The following ADAM12 variants were observed in gnomAD, a reference collection of about 807,000 sequenced individuals.
ADAM12 encodes the protein ADAM metallopeptidase domain 12, also known as disintegrin and metalloproteinase domain-containing protein 12.
A neutral mutation model predicts 106.4 loss-of-function variants in ADAM12; 70 were observed. The ratio of observed to expected loss-of-function variants is 0.66; its 90% confidence interval spans 0.54 to 0.80. The LOEUF (loss-of-function observed/expected upper bound fraction) is 0.80, where lower values mean the gene tolerates loss of function less well. Ranked by LOEUF, ADAM12 falls within the 30% of genes least tolerant of loss-of-function variation. The pLI, the probability that ADAM12 is intolerant of heterozygous loss-of-function variation, is 0.00. For missense variants in ADAM12, 1,010 were observed against 1,171.9 expected, an observed-to-expected ratio of 0.86 and a Z score of 2.02; for synonymous variants, 420 against 433.5, an observed-to-expected ratio of 0.97 and a Z score of 0.39.
In ADAM12 at chr10:126,178,408, C is replaced by CTTT. The variant is rs10549268; in HGVS notation, c.261-23106_261-23104dup. On this transcript the variant is annotated intron_variant, in intron 3 of 22. Transcript: ENST00000448723. ...TACCTTAGTCCTCATTGGAGGACAT[C>CTTT]TTTTTTTTTTTTTTTTTTTTTTTTG... 3.3e-3 allele frequency among the ~76,000 whole-genome samples: 347 copies of CTTT among 103,766 alleles called. 1 individual carries two copies. Among genetic ancestry groups the CTTT allele is most frequent in the Non-Finnish European group, 3.9e-3 (190 of 48,950 alleles). The allele number at this position is 103,766 out of a possible 152,430, so 68.1% of individuals were successfully genotyped here.
chr10:126,028,690 A>G (rs1254828477), intron 21 of ADAM12, among the ~76,000 whole-genome samples: 2 of 152,192 alleles, frequency 1.3e-5, no homozygotes, highest in Admixed American at 1.3e-4. Flanking sequence ...AAAACCCAAA[A>G]CTATAAAAAC....
At chr10:126,147,140 C>T (rs766979827) in intron 4 of ADAM12, among the ~76,000 whole-genome samples, 9 of 152,350 alleles carry the variant, frequency 5.9e-5, no homozygotes, top group Middle Eastern at 3.4e-3. Flanking sequence ...CTCAGCTGGT[C>T]TCCTTTGAAA....
At chr10:126,197,780 T>C (rs570530200) in intron 3 of ADAM12, among the ~76,000 whole-genome samples, 1 of 152,126 alleles carries the variant, frequency 6.6e-6, no homozygotes, top group African/African-American at 2.4e-5. Flanking sequence ...TAGGTGGCCA[T>C]GTGACAGAGA....
chr10:126,049,130 G>T lies in ADAM12; in HGVS notation c.1917+123C>A. On this transcript the variant is annotated intron_variant, in intron 16 of 22. Coordinates refer to ENST00000448723, the MANE Select transcript of ADAM12 (RefSeq NM_001288973.2). This position sits in a 1 kb window ranked among gnomAD's most constrained non-coding sequence, Gnocchi z 4.4. ...TAGGATTTATTGACTTTTTCTTCTA[G>T]GTGCATCTGAGAAGAAGTAGATTTA... 8.1e-7 allele frequency: 1 copy of T among 1,232,208 alleles called. No homozygotes were observed. Among genetic ancestry groups the T allele is most frequent in the Non-Finnish European group, 1.2e-6 (1 of 867,114 alleles). 76.3% of individuals were successfully genotyped at this position (1,232,208 alleles called of 1,614,324 possible).
rs549294963 is a variant in ADAM12 at position 126,159,201 on chromosome 10, T to C, written c.261-3896A>G. Among the ~76,000 whole-genome samples, 21 of 149,486 alleles carry C rather than the reference T, an allele frequency of 1.4e-4. No individual in the cohort carries two copies. The South Asian group carries it at 4.2e-3, about 30-fold the overall frequency. On this transcript the variant is annotated intron_variant, in intron 3 of 22. Coordinates refer to ENST00000448723, the MANE Select transcript of ADAM12 (RefSeq NM_001288973.2). Reference sequence around the variant, plus strand: ...GGTGGGTGCCTGTGGTCCCAACTACTCAGGAGGCTGAGGCAGGAGAATGGC... The same window carrying C: ...GGTGGGTGCCTGTGGTCCCAACTACCCAGGAGGCTGAGGCAGGAGAATGGC...
At chr10:126,317,311 C>A (rs11244954) in intron 2 of ADAM12, among the ~76,000 whole-genome samples, 34,120 of 152,122 alleles carry the variant, frequency 0.22, 4,223 homozygotes, top group East Asian at 0.32. Context: ...AACCCTGGAT[C>A]TCAGTAGCTC....
In ADAM12 at chr10:126,085,066, C is replaced by T. The variant is rs114638168; in HGVS notation, c.1145+8919G>A. ...TTTGATATTTTTGATCTCTCTCTTC[C>T]CACTTTAGCTAAATTAAGCAAAGAC... On this transcript the variant is annotated intron_variant, in intron 11 of 22. Transcript: ENST00000448723. Among the ~76,000 whole-genome samples, 1,145 of 152,316 alleles carry T rather than the reference C, an allele frequency of 7.5e-3. 10 individuals carry two copies. Among genetic ancestry groups the T allele is most frequent in the African/African-American group, 0.026 (1,088 of 41,558 alleles).
intron 1 of ADAM12, among the ~76,000 whole-genome samples, chr10:126,349,063 C>T (rs759138746): frequency 2.6e-5 from 4 of 152,162 alleles, no homozygotes; most frequent in Non-Finnish European, 4.4e-5. Flanking sequence ...CATGAGAATG[C>T]TTTACATTTA....
In ADAM12 at chr10:126,282,288, C is replaced by G. The variant is rs185224898; in HGVS notation, c.187-3300G>C. Among the ~76,000 whole-genome samples the G allele has an allele frequency of 6.8e-4, 103 of 152,168 alleles. 1 individual carries two copies. Among genetic ancestry groups the G allele is most frequent in the African/African-American group, 2.4e-3 (98 of 41,526 alleles). ...TCACCTTAATTGCCTTTTTAAAGGGCCTTTCTCCAAATACAGTCACATTCT... is the reference window on the plus strand; with the variant it reads ...TCACCTTAATTGCCTTTTTAAAGGGGCTTTCTCCAAATACAGTCACATTCT... On this transcript the variant is annotated intron_variant, in intron 2 of 22. Coordinates refer to ENST00000448723, the MANE Select transcript of ADAM12 (RefSeq NM_001288973.2).
intron 3 of ADAM12, among the ~76,000 whole-genome samples, chr10:126,170,167 A>G (rs1590551157): frequency 1.3e-5 from 2 of 152,290 alleles, no homozygotes; most frequent in East Asian, 3.9e-4. Context: ...GAGCTCTCTT[A>G]AAAATTGACC....
At chr10:126,105,070 G>A (rs554259651) in intron 8 of ADAM12, among the ~76,000 whole-genome samples, 1 of 152,130 alleles carries the variant, frequency 6.6e-6, no homozygotes, top group Non-Finnish European at 1.5e-5. Flanking sequence ...GGGATGTCAG[G>A]GCCAGGGGTA....
chr10:126,137,558 C>T (rs1956428523), intron 4 of ADAM12, among the ~76,000 whole-genome samples: 3 of 152,198 alleles, frequency 2.0e-5, no homozygotes, highest in South Asian at 4.1e-4. Context: ...CCTGCTCCTC[C>T]ATCTCTGGCA....
intron 12 of ADAM12, among the ~76,000 whole-genome samples, chr10:126,068,995 C>T (rs560269453): frequency 2.0e-5 from 3 of 152,120 alleles, no homozygotes; most frequent in South Asian, 2.1e-4. Flanking sequence ...AGTTGTTTTT[C>T]GGATCCCATT....
intron 1 of ADAM12, among the ~76,000 whole-genome samples, chr10:126,387,223 A>G (rs1856695064): frequency 6.6e-6 from 1 of 152,246 alleles, no homozygotes; most frequent in Admixed American, 6.5e-5. Context: ...AAGTTGCCGG[A>G]TTTTTAAAAA....
chr10:126,054,126 C>T (rs1954574513), intron 14 of ADAM12, among the ~76,000 whole-genome samples: 1 of 152,184 alleles, frequency 6.6e-6, no homozygotes, highest in Admixed American at 6.5e-5. Flanking sequence ...TTCAAGTACC[C>T]ACTCTTCCAA....
chr10:126,357,832 A>G lies in ADAM12; in HGVS notation c.89-27323T>C, dbSNP rs924283097. Among the ~76,000 whole-genome samples the G allele has an allele frequency of 3.3e-5, 5 of 152,134 alleles. No homozygotes were observed. In the South Asian group the frequency reaches 1.0e-3, roughly 31 times the overall value. ...CAGGTCCCTCCCATGACACATGGAG[A>G]TTATGGGAACTACATTTCATGATGA... On this transcript the variant is annotated intron_variant, in intron 1 of 22. Coordinates refer to ENST00000448723, the MANE Select transcript of ADAM12 (RefSeq NM_001288973.2).
chr10:126,287,992 C>T (rs540118399), intron 2 of ADAM12, among the ~76,000 whole-genome samples: 13 of 151,542 alleles, frequency 8.6e-5, no homozygotes, highest in South Asian at 8.4e-4. Flanking sequence ...CAGGAGGAGT[C>T]GGGGATGCAG....
chr10:126,036,236 CTGAGT>C lies in ADAM12; in HGVS notation c.2434_2438del (p.Thr812AlafsTer14). 6.4e-7 allele frequency: 1 copy of C among 1,551,524 alleles called. No individual in the cohort carries two copies. Among genetic ancestry groups the C allele is most frequent in the Non-Finnish European group, 8.7e-7 (1 of 1,154,682 alleles). ...CCCGGTGGAGGGGAGGAAGCACTCG[CTGAGT>C]TGACTGGGGCTGAGGGACATTCAGG... On this transcript the variant is annotated frameshift_variant, in exon 21 of 23. Coordinates refer to ENST00000448723, the MANE Select transcript of ADAM12 (RefSeq NM_001288973.2). LOFTEE classifies it high-confidence loss of function.
chr10:126,350,714 G>A (rs1195061508), intron 1 of ADAM12, among the ~76,000 whole-genome samples: 3 of 152,236 alleles, frequency 2.0e-5, no homozygotes, highest in African/African-American at 7.2e-5. Context: ...TCACATCGGT[G>A]CACAGGAATG....
Sources: allele counts gnomAD v4.1 joint callset (sites outside exome capture counted in the v4.1 genomes callset), GRCh38; gene constraint gnomAD v4.1.1; non-coding constraint Gnocchi (gnomAD v3.1); transcripts MANE v1.5; gene names NCBI Gene and HGNC (gene_info 2026-07-23, HGNC 2026-07-21).